The following PHKA1 variants were observed in gnomAD, a reference collection of about 807,000 sequenced individuals.
The protein encoded by PHKA1 is phosphorylase b kinase regulatory subunit alpha, skeletal muscle isoform.
PHKA1 carries 60 observed loss-of-function variants against 110.2 expected under a neutral mutation model. The ratio of observed to expected loss-of-function variants is 0.54; its 90% CI spans 0.44 to 0.68. The LOEUF (loss-of-function observed/expected upper bound fraction) is 0.68, where lower values mean the gene tolerates loss of function less well. Among genes scored for constraint, PHKA1 ranks in the 30% least tolerant of loss-of-function variants. PHKA1 has a pLI of 0.00. For missense variants in PHKA1, 801 were observed against 942.5 expected, an observed-to-expected ratio of 0.85 and a Z score of 1.97; for synonymous variants, 316 against 333.6, an observed-to-expected ratio of 0.95 and a Z score of 0.58.
In PHKA1 at chrX:72,639,656, C is replaced by G. The variant is rs138652439; in HGVS notation, c.1460-3270G>C. ...CCTACCTGCCTCTAATTTACACTAC[C>G]AGGAGTGCTGAGAGTGTCCACATCT... On this transcript the variant is annotated intron_variant, in intron 14 of 31. Coordinates refer to ENST00000373542, the MANE Select transcript of PHKA1 (RefSeq NM_002637.4). 1.8e-4 allele frequency among the ~76,000 whole-genome samples: 20 copies of G among 112,002 alleles called. No individual in the cohort carries two copies. The East Asian group carries it at 4.8e-3, about 27-fold the overall frequency.
At chrX:72,634,550 T>A (rs1052467773) in intron 16 of PHKA1, among the ~76,000 whole-genome samples, 1 of 103,120 alleles carries the variant, frequency 9.7e-6, no homozygotes, top group African/African-American at 3.6e-5. Context: ...AAGTAAGCAA[T>A]GTCAGGAAAT....
intron 13 of PHKA1, among the ~76,000 whole-genome samples, chrX:72,649,668 T>C (rs782138676): frequency 9.0e-6 from 1 of 111,304 alleles, no homozygotes; most frequent in Non-Finnish European, 1.9e-5. Flanking sequence ...AGCTACCTAA[T>C]ACAGAGTGTA....
At chrX:72,599,796 G>A (rs782304890) in intron 28 of PHKA1, 26 of 536,590 alleles carry the variant, frequency 4.8e-5, no homozygotes, top group Non-Finnish European at 7.8e-5. Context: ...TGGCATATAC[G>A]AGAAGATCAC....
rs782703298 is a variant in PHKA1 at position 72,692,947 on chromosome X, T to C, written c.454+2761A>G. Among the ~76,000 whole-genome samples the C allele has an allele frequency of 3.6e-5, 4 of 110,313 alleles. No homozygotes were observed. The South Asian group carries it at 1.5e-3, about 42-fold the overall frequency. ...AGGTTACTGATTTTTCTTTCTTTTT[T>C]TTTTTTTTACATTGGTGTTTACAGG... is the stretch of plus-strand genomic sequence containing the variant. On this transcript the variant is annotated intron_variant, in intron 4 of 31. Transcript: ENST00000373542.
Position 72,650,442 on chromosome X carries a change from AT to A in PHKA1, c.1271del (p.Asp424ValfsTer3). 8.3e-7 allele frequency: 1 copy of A among 1,209,395 alleles called. No individual in the cohort carries two copies. The highest frequency in any genetic ancestry group is 1.1e-6 in the Non-Finnish European group (1 of 893,442). ...CAGTAGAAAACCTGCGATTCAGGGG[AT>A]CAATTTCTCCAGGGGCTAAAAATCC... is the stretch of plus-strand genomic sequence containing the variant. ...AEGFLAPGEI[D>X]PLNRRFSTVP... On this transcript the variant is annotated frameshift_variant, in exon 13 of 32. Coordinates refer to ENST00000373542, the MANE Select transcript of PHKA1 (RefSeq NM_002637.4). LOFTEE classifies it high-confidence loss of function.
Position 72,623,137 on chromosome X carries a change from C to G in PHKA1, c.1932G>C (p.Trp644Cys). The change falls in exon 18 of 32, where the codon TGG becomes TGC. Residue 644 changes from tryptophan to cysteine, a missense_variant. Physicochemically the swap from Trp to Cys is radical, Grantham distance 215 (BLOSUM62 -2). Transcript: ENST00000373542. Reference sequence around the variant, plus strand: ...GACTGGTTGAATCATAATCATTCATCCAGTTGCCAGATTCCAGGTAATCAT... The same window carrying G: ...GACTGGTTGAATCATAATCATTCATGCAGTTGCCAGATTCCAGGTAATCAT... ...DNYDYLESGN[W>C]MNDYDSTSHA... The G allele has an allele frequency of 1.7e-6, 2 of 1,211,126 alleles. No individual in the cohort carries two copies. The highest frequency in any genetic ancestry group is 2.2e-6 in the Non-Finnish European group (2 of 895,165).
chrX:72,713,083 T>TGCA (rs1259250174), intron 1 of PHKA1, 146 bp from the exon 2 acceptor site: 6 of 567,150 alleles, frequency 1.1e-5, no homozygotes, highest in Non-Finnish European at 1.5e-5. Flanking sequence ...TCTTCTGACC[T>TGCA]ATTGCAGGCA....
intron 8 of PHKA1, among the ~76,000 whole-genome samples, chrX:72,659,025 G>A (rs2053529946): frequency 8.9e-6 from 1 of 112,044 alleles, no homozygotes; most frequent in Non-Finnish European, 1.9e-5. Flanking sequence ...TTATTCTTGT[G>A]TTTGTCTAAT....
intron 2 of PHKA1, among the ~76,000 whole-genome samples, chrX:72,708,928 T>C (rs1603277006): frequency 9.0e-6 from 1 of 111,626 alleles, no homozygotes; most frequent in African/African-American, 3.3e-5. Context: ...CTCCAAGTAA[T>C]ATTGCCTGGG....
intron 4 of PHKA1, among the ~76,000 whole-genome samples, chrX:72,686,002 C>T (rs782491118): frequency 4.7e-4 from 53 of 111,770 alleles, no homozygotes; most frequent in Non-Finnish European, 8.7e-4. Context: ...GTGGGCATAT[C>T]TAGAGCAATT....
chrX:72,659,837 G>T (rs1423503875), intron 8 of PHKA1, among the ~76,000 whole-genome samples: 1 of 112,259 alleles, frequency 8.9e-6, no homozygotes, highest in Non-Finnish European at 1.9e-5. Flanking sequence ...AGCATCTGTT[G>T]CAATTACTCA....
Position 72,605,571 on chromosome X carries a change from T to G in PHKA1, c.2655A>C (p.Glu885Asp). The change falls in exon 24 of 32, where the codon GAA (glutamate) becomes GAC (aspartate). Residue 885 changes from glutamate (E) to aspartate (D), a missense_variant. Physicochemically the swap from Glu to Asp is conservative, Grantham distance 45. This residue lies in a region of PHKA1 where 502 missense variants were observed against 519.2 expected (regional missense o/e 0.97). Coordinates refer to ENST00000373542, the MANE Select transcript of PHKA1 (RefSeq NM_002637.4). ...ALTQLIDEAS[E>D]GDMSISILTQ... ...TAAGGATTGAAATGCTCATATCCCC[T>G]TCACTGGCTTCATCTATCAGCTGAG... 1 of 1,208,775 alleles carries G rather than the reference T, an allele frequency of 8.3e-7. No individual in the cohort carries two copies. Among genetic ancestry groups the G allele is most frequent in the Non-Finnish European group, 1.1e-6 (1 of 892,766 alleles).
chrX:72,627,603 T>C (rs1343904627), intron 16 of PHKA1, among the ~76,000 whole-genome samples: 1 of 111,730 alleles, frequency 9.0e-6, no homozygotes, highest in African/African-American at 3.3e-5. Context: ...GACTGTTTTA[T>C]ATTATAATCA....
At chrX:72,682,481 A>G (rs2053912669) in intron 5 of PHKA1, among the ~76,000 whole-genome samples, 1 of 110,627 alleles carries the variant, frequency 9.0e-6, no homozygotes. Flanking sequence ...GTGGAATAGA[A>G]AGGCGGGAAA....
Position 72,667,948 on chromosome X carries a change from G to GT in PHKA1, c.619-476dup, listed in dbSNP as rs782703436. ...AACATTTTTGACATGTTTTTTATTA[G>GT]TTTTTTCTATGTCTATTTGTGTACA... On this transcript the variant is annotated intron_variant, in intron 6 of 31. Transcript: ENST00000373542. Among the ~76,000 whole-genome samples the GT allele has an allele frequency of 5.4e-5, 6 of 111,492 alleles. No homozygotes were observed. The South Asian group carries it at 1.9e-3, about 34-fold the overall frequency.
intron 13 of PHKA1, among the ~76,000 whole-genome samples, chrX:72,649,292 T>C (rs1452093740): frequency 4.5e-5 from 5 of 111,357 alleles, no homozygotes; most frequent in Admixed American, 3.8e-4. Context: ...CAACACCACA[T>C]TGGATTGTGA....
Position 72,670,020 on chromosome X carries a change from C to G in PHKA1, c.619-2547G>C, listed in dbSNP as rs781916295. Among the ~76,000 whole-genome samples, 12 of 111,295 alleles carry G rather than the reference C, an allele frequency of 1.1e-4. No homozygotes were observed. In the South Asian group the frequency reaches 1.9e-3, roughly 18 times the overall value. On this transcript the variant is annotated intron_variant, in intron 6 of 31. Coordinates refer to ENST00000373542, the MANE Select transcript of PHKA1 (RefSeq NM_002637.4). Reference sequence around the variant, plus strand: ...CAACAGTGTAAAAGTGTTCCTATTTCTCCACATCCTCTCCAGCTCCTGTTG... The same window carrying G: ...CAACAGTGTAAAAGTGTTCCTATTTGTCCACATCCTCTCCAGCTCCTGTTG...
chrX:72,608,293 G>C (rs1229530917), intron 23 of PHKA1, among the ~76,000 whole-genome samples: 1 of 111,220 alleles, frequency 9.0e-6, no homozygotes, highest in Non-Finnish European at 1.9e-5. Flanking sequence ...TGGCTGAGCT[G>C]GTATCCAACT....
chrX:72,584,861 C>T (rs1280181458), intron 29 of PHKA1, among the ~76,000 whole-genome samples: 2 of 105,655 alleles, frequency 1.9e-5, no homozygotes, highest in African/African-American at 6.9e-5. Flanking sequence ...GTTAACTCGT[C>T]ATTTACATTA....
Sources: allele counts gnomAD v4.1 joint callset (sites outside exome capture counted in the v4.1 genomes callset), GRCh38; gene constraint gnomAD v4.1.1; regional missense constraint gnomAD v4.1.1; transcripts MANE v1.5; gene names NCBI Gene and HGNC (gene_info 2026-07-23, HGNC 2026-07-21).